Variants in CHD4 observed in about 807,000 individuals in gnomAD.
CHD4 encodes chromodomain helicase DNA binding protein 4, also known as ATP-dependent chromatin remodeler CHD4.
A neutral mutation model predicts 235.5 loss-of-function variants in CHD4; 35 were observed. That is an observed-to-expected ratio of 0.15 (90% CI 0.11 to 0.20). The LOEUF is 0.20. Ranked by LOEUF, CHD4 falls within the 10% of genes least tolerant of loss-of-function variation. The pLI, the probability that CHD4 is intolerant of heterozygous loss-of-function variation, is 1.00. For synonymous variants in CHD4, 900 were observed against 850.2 expected (o/e 1.06, Z -1.02); for missense variants, 1,329 against 2,432.3 (o/e 0.55, Z 9.54).
In CHD4 at chr12:6,600,648, C is replaced by T; in HGVS notation, c.949G>A (p.Val317Met). The change falls in exon 8 of 40, where the codon GTG becomes ATG. Residue 317 changes from valine (V) to methionine (M), a missense_variant. Transcript: ENST00000544040. ...CTGGCATCATCGAAGTCAGATTCCACATCTAAGTCATCATCCTCACTCTGG... is the reference window on the plus strand; with the variant it reads ...CTGGCATCATCGAAGTCAGATTCCATATCTAAGTCATCATCCTCACTCTGG... ...RSSSEDDDLD[V>M]ESDFDDASIN... 2.5e-6 allele frequency: 4 copies of T among 1,614,108 alleles called. No homozygotes were observed. The highest frequency in any genetic ancestry group is 3.4e-6 in the Non-Finnish European group (4 of 1,180,028).
chr12:6,581,621 C>A, intron 31 of CHD4, 28 bp downstream of exon 31: 2 of 1,614,094 alleles, frequency 1.2e-6, no homozygotes, highest in Non-Finnish European at 8.5e-7. Context: ...AAGAGAGGGA[C>A]AGAAAATGAT....
At position 6,593,728 on chromosome 12, in the gene CHD4, C is replaced by T. The variant is rs977178477; in HGVS notation, c.2314-112G>A. 6 of 903,532 alleles carry T rather than the reference C, an allele frequency of 6.6e-6. No homozygotes were observed. Among genetic ancestry groups the T allele is most frequent in the African/African-American group, 1.7e-5 (1 of 60,550 alleles). The allele number at this position is 903,532 out of a possible 1,614,324, so 56.0% of individuals were successfully genotyped here. On this transcript the variant is annotated intron_variant, in intron 15 of 39. Transcript: ENST00000544040. This position sits in a 1 kb window ranked among gnomAD's most constrained non-coding sequence, Gnocchi z 4.9. ...GCTGAGCCAAGGACTGACACACCTG[C>T]GCTGCTGCTCCTGCTCTCACCTTCC... is the stretch of plus-strand genomic sequence containing the variant.
chr12:6,605,079 C>T (rs886890749), intron 2 of CHD4, among the ~76,000 whole-genome samples: 1 of 152,180 alleles, frequency 6.6e-6, no homozygotes, highest in African/African-American at 2.4e-5. Flanking sequence ...AACCCCTCTC[C>T]TAAATGGCCT....
At chr12:6,602,653 G>C (rs1361779644) in intron 2 of CHD4, among the ~76,000 whole-genome samples, 156 bp from the exon 3 acceptor site, 1 of 152,190 alleles carries the variant, frequency 6.6e-6, no homozygotes, top group African/African-American at 2.4e-5. Context: ...CTGATACCCA[G>C]GACAAAAACA....
At chr12:6,604,703 G>A (rs1047979229) in intron 2 of CHD4, among the ~76,000 whole-genome samples, 2 of 152,146 alleles carry the variant, frequency 1.3e-5, no homozygotes, top group Non-Finnish European at 2.9e-5. Flanking sequence ...ATAATATGCT[G>A]AAATGGCAAA....
At chr12:6,571,327 T>C in intron 38 of CHD4, 1 of 329,620 alleles carries the variant, frequency 3.0e-6, no homozygotes, top group South Asian at 6.8e-5. Context: ...AGAATCTGTC[T>C]CCCCACCTCC....
At position 6,573,233 on chromosome 12, in the gene CHD4, G is replaced by A. The variant is rs1480327213; in HGVS notation, c.5398C>T (p.Arg1800Cys). The A allele has an allele frequency of 5.7e-6, 9 of 1,579,102 alleles. No homozygotes were observed. Among genetic ancestry groups the A allele is most frequent in the Non-Finnish European group, 7.7e-6 (9 of 1,168,080 alleles). The change falls in exon 38 of 40, where the codon CGC becomes TGC. Residue 1800 changes from arginine (R) to cysteine (C), a missense_variant. Arg to Cys is a radical substitution (Grantham distance 180). Transcript: ENST00000544040. ...EQALVIEEQL[R>C]RAAYLNMSED... The stretch of plus-strand genomic sequence containing the variant: ...GACATGTTCAAGTAAGCAGCCCGGC[G>A]CAGCTGTTCCTCAATCACCAGAGCT...
rs201353338 is a variant in CHD4 at position 6,597,911 on chromosome 12, G to A, written c.1875C>T (p.His625=). 3.7e-5 allele frequency: 60 copies of A among 1,614,150 alleles called. 1 individual carries two copies. The highest frequency in any genetic ancestry group is 3.3e-4 in the East Asian group (15 of 44,884). Residue 625 remains histidine, a synonymous_variant, in exon 12 of 40, where the codon CAC becomes CAT. Coordinates refer to ENST00000544040, the MANE Select transcript of CHD4 (RefSeq NM_001273.5). ...YGIKPEWMMI[H]RILNHSVDKK... ...GCTGGTACCTGTGGTTGAGGATTCGGTGGATCATCATCCACTCGGGTTTTA... is the reference window on the plus strand; with the variant it reads ...GCTGGTACCTGTGGTTGAGGATTCGATGGATCATCATCCACTCGGGTTTTA...
At position 6,600,566 on chromosome 12, in the gene CHD4, T is replaced by TTGCGGC. The variant is rs1565617553; in HGVS notation, c.1025_1030dup (p.Ser342_Arg343dup). 24 of 1,614,132 alleles carry TTGCGGC rather than the reference T, an allele frequency of 1.5e-5. No individual in the cohort carries two copies. Among genetic ancestry groups the TTGCGGC allele is most frequent in the Non-Finnish European group, 1.8e-5 (21 of 1,180,028 alleles). Reference sequence around the variant, plus strand: ...TTTCTTTTTAGTGGTTCGGAGTTTCTTGCGGCTGCGGCTACTACGGCTGGT... The same window carrying TTGCGGC: ...TTTCTTTTTAGTGGTTCGGAGTTTCTTGCGGCTGCGGCTGCGGCTACTACGGCTGGT... On this transcript the variant is annotated inframe_insertion, in exon 8 of 40. Coordinates refer to ENST00000544040, the MANE Select transcript of CHD4 (RefSeq NM_001273.5).
Position 6,595,512 on chromosome 12 carries a change from CTGT to C in CHD4, c.2025-85_2025-83del, listed in dbSNP as rs1948473531. On this transcript the variant is annotated intron_variant, in intron 13 of 39. Transcript: ENST00000544040. Reference sequence around the variant, plus strand: ...CTTGGCCAGGCACAGTGGCTCACACCTGTAATCCCAGCATTTTGGGAGGCCAGC... The same window carrying C: ...CTTGGCCAGGCACAGTGGCTCACACCAATCCCAGCATTTTGGGAGGCCAGC... 2.5e-6 allele frequency: 3 copies of C among 1,203,654 alleles called. No homozygotes were observed. The African/African-American group carries it at 4.5e-5, about 18-fold the overall frequency. 74.6% of individuals were successfully genotyped at this position (1,203,654 alleles called of 1,614,324 possible).
At position 6,600,163 on chromosome 12, in the gene CHD4, T is replaced by C. The variant is rs138642107; in HGVS notation, c.1242+54A>G. On this transcript the variant is annotated intron_variant, in intron 9 of 39. Coordinates refer to ENST00000544040, the MANE Select transcript of CHD4 (RefSeq NM_001273.5). Reference sequence around the variant, plus strand: ...CCATCCAGGCCCCGAAGAGCTTTACTGTCCCACCCTTCTTCTCATGGGTTC... The same window carrying C: ...CCATCCAGGCCCCGAAGAGCTTTACCGTCCCACCCTTCTTCTCATGGGTTC... The C allele has an allele frequency of 1.3e-5, 21 of 1,595,466 alleles. No individual in the cohort carries two copies. In the East Asian group the frequency reaches 2.0e-4, roughly 15 times the overall value.
chr12:6,573,496 C>T (rs923341115), intron 37 of CHD4: 2 of 335,036 alleles, frequency 6.0e-6, no homozygotes, highest in Admixed American at 4.9e-5. Flanking sequence ...TTTAGGTTCT[C>T]TTATACAAAA....
intron 35 of CHD4, 125 bp from the exon 36 acceptor site, chr12:6,578,262 T>C (rs2136196824): frequency 7.3e-7 from 1 of 1,360,994 alleles, no homozygotes; most frequent in East Asian, 2.3e-5. Flanking sequence ...AATTTGCTTC[T>C]GGCTTTCTCC....
At chr12:6,579,912 C>T (rs1457287974) in intron 33 of CHD4, among the ~76,000 whole-genome samples, 5 of 150,656 alleles carry the variant, frequency 3.3e-5, no homozygotes, top group South Asian at 2.1e-4. Context: ...AAAAATTAGC[C>T]GGGCATGGTG....
chr12:6,600,849 G>A (rs1948577312), intron 7 of CHD4, 77 bp downstream of exon 7: 7 of 1,522,758 alleles, frequency 4.6e-6, no homozygotes, highest in South Asian at 1.3e-5. Context: ...CTACTATGAA[G>A]GACAGGTTCT....
At chr12:6,579,058 T>A (rs1035454598) in intron 33 of CHD4, 141 bp from the exon 34 acceptor site, 10 of 695,592 alleles carry the variant, frequency 1.4e-5, no homozygotes, top group Admixed American at 2.3e-5. Flanking sequence ...CTCATGCCTG[T>A]AATCCCAGCA....
chr12:6,601,447 G>A lies in CHD4; in HGVS notation c.641C>T (p.Thr214Ile). ...VLGAKWREFS[T>I]NNPFKGSSGA... Reference sequence around the variant, plus strand: ...AGAACTGCCTTTGAAGGGGTTATTGGTACTGAACTCCCGCCATTTTGCACC... The same window carrying A: ...AGAACTGCCTTTGAAGGGGTTATTGATACTGAACTCCCGCCATTTTGCACC... Residue 214 changes from threonine (T) to isoleucine (I), a missense_variant, in exon 6 of 40, where the codon ACC (threonine) becomes ATC (isoleucine). Thr to Ile is a moderately conservative substitution (Grantham distance 89). Transcript: ENST00000544040. The A allele has an allele frequency of 6.2e-7, 1 of 1,614,136 alleles. No individual in the cohort carries two copies. Among genetic ancestry groups the A allele is most frequent in the Non-Finnish European group, 8.5e-7 (1 of 1,180,036 alleles).
Position 6,606,315 on chromosome 12 carries a change from A to G in CHD4, c.59T>C (p.Met20Thr), listed in dbSNP as rs1253488208. The part of the protein sequence containing the change: ...PCSAGSEEED[M>T]DALLNNSLPP... ...CAGGCTGTTGTTCAAAAGTGCATCC[A>G]TATCCTCCTCCTCACTGCCCGCCGA... The change falls in exon 2 of 40, where the codon ATG becomes ACG. Residue 20 changes from methionine to threonine, a missense_variant. By Grantham distance (81) the Met-to-Thr change is moderately conservative. Around this residue, in one of 26 missense-constraint regions of CHD4, gnomAD observed 213 missense variants for 177.5 expected, o/e 1.20. Coordinates refer to ENST00000544040, the MANE Select transcript of CHD4 (RefSeq NM_001273.5). 1.3e-6 allele frequency: 2 copies of G among 1,580,462 alleles called. No individual in the cohort carries two copies. The highest frequency in any genetic ancestry group is 1.9e-5 in the Admixed American group (1 of 53,822).
intron 2 of CHD4, among the ~76,000 whole-genome samples, chr12:6,603,868 G>A (rs1247880843): frequency 6.6e-6 from 1 of 152,136 alleles, no homozygotes; most frequent in African/African-American, 2.4e-5. Flanking sequence ...TTTGAGGAAT[G>A]GAGGCCCACA....
Sources: gnomAD v4.1 joint callset for allele counts (sites outside exome capture counted in the v4.1 genomes callset) on GRCh38, gnomAD v4.1.1 for gene constraint, gnomAD v4.1.1 regional missense constraint, Gnocchi (gnomAD v3.1) non-coding constraint, MANE v1.5 for transcripts, NCBI Gene and HGNC (gene_info 2026-07-23, HGNC 2026-07-21) for gene names.